The following MAST4 variants were observed in gnomAD, a reference collection of about 807,000 sequenced individuals.
MAST4 encodes the protein microtubule associated serine/threonine kinase family member 4.
In MAST4, 89 loss-of-function variants were observed where a neutral mutation model predicts 162.7. The ratio of observed to expected loss-of-function variants is 0.55; its 90% CI spans 0.46 to 0.65. The LOEUF (loss-of-function observed/expected upper bound fraction) is 0.65. Ranked by LOEUF, MAST4 falls within the 30% of genes least tolerant of loss-of-function variation. The probability of loss-of-function intolerance (pLI) is 0.00; values close to 1 mark genes in which losing one functional copy is unlikely to be tolerated. For missense variants in MAST4, 3,153 were observed against 3,374.0 expected (o/e 0.93, Z 1.62); for synonymous variants, 1,479 against 1,361.1 (o/e 1.09, Z -1.91).
intron 4 of MAST4, among the ~76,000 whole-genome samples, chr5:66,938,033 GTTATAT>G (rs1047165020): frequency 1.9e-4 from 29 of 152,000 alleles, no homozygotes; most frequent in Middle Eastern, 3.4e-3. Context: ...GCACTTAGCT[GTTATAT>G]TTATATTAAT....
At chr5:67,081,433 G>A (rs1425432090) in intron 5 of MAST4, among the ~76,000 whole-genome samples, 1 of 151,830 alleles carries the variant, frequency 6.6e-6, no homozygotes, top group Non-Finnish European at 1.5e-5. Flanking sequence ...AACAGGCATC[G>A]AACTAGTATG....
chr5:66,949,651 C>T (rs1368874331), intron 4 of MAST4, among the ~76,000 whole-genome samples: 1 of 152,144 alleles, frequency 6.6e-6, no homozygotes, highest in Non-Finnish European at 1.5e-5. Context: ...ATTTTGGTCA[C>T]AGATAGTCTG....
intron 4 of MAST4, among the ~76,000 whole-genome samples, chr5:66,998,151 C>T (rs566315953): frequency 2.0e-5 from 3 of 152,202 alleles, no homozygotes; most frequent in Non-Finnish European, 2.9e-5. Context: ...GTGTCAGCTA[C>T]GAAAGGGCTA....
intron 1 of MAST4, among the ~76,000 whole-genome samples, chr5:66,757,934 A>G (rs1052873555): frequency 2.0e-5 from 3 of 152,154 alleles, no homozygotes; most frequent in African/African-American, 7.2e-5. Context: ...TTGGTTCTGC[A>G]TTTTCTAGAG....
chr5:66,728,773 T>C (rs943678160), intron 1 of MAST4, among the ~76,000 whole-genome samples: 12 of 152,334 alleles, frequency 7.9e-5, no homozygotes, highest in African/African-American at 2.9e-4. Context: ...AGGAATGTTA[T>C]TTTCCTTTGG....
chr5:66,889,107 T>C (rs1762217889), intron 3 of MAST4, among the ~76,000 whole-genome samples: 7 of 152,176 alleles, frequency 4.6e-5, no homozygotes, highest in Admixed American at 4.6e-4. Context: ...CAATAAGCAA[T>C]AAAAGTCGAT....
intron 2 of MAST4, among the ~76,000 whole-genome samples, chr5:66,774,995 CTGTGTGTG>C (rs33936607): frequency 0.025 from 3,573 of 142,104 alleles, 54 homozygotes; most frequent in African/African-American, 0.047. Flanking sequence ...TATCCTTTTC[CTGTGTGTG>C]TGTGTGTGTG....
chr5:67,085,940 C>A (rs1268683281), intron 5 of MAST4, among the ~76,000 whole-genome samples: 1 of 152,120 alleles, frequency 6.6e-6, no homozygotes, highest in Non-Finnish European at 1.5e-5. Context: ...TGTTCCAGTG[C>A]CCACTTTATC....
In MAST4 at chr5:67,110,083, A is replaced by G; in HGVS notation, c.1357-15A>G. On this transcript the variant is annotated splice_polypyrimidine_tract_variant and intron_variant, in intron 10 of 28. Transcript: ENST00000403625. Reference sequence around the variant, plus strand: ...ACAACTCTGCATCATCACTCTCTTTATTGCTTTTTCATAGGCTCATGATCG... The same window carrying G: ...ACAACTCTGCATCATCACTCTCTTTGTTGCTTTTTCATAGGCTCATGATCG... 1 of 1,591,410 alleles carries G rather than the reference A, an allele frequency of 6.3e-7. No individual in the cohort carries two copies. Among genetic ancestry groups the G allele is most frequent in the Non-Finnish European group, 8.6e-7 (1 of 1,159,574 alleles).
chr5:67,007,082 ATG>A lies in MAST4; in HGVS notation c.675-47320_675-47319del, dbSNP rs1247989824. On this transcript the variant is annotated intron_variant, in intron 4 of 28. Coordinates refer to ENST00000403625, the MANE Select transcript of MAST4 (RefSeq NM_001164664.2). ...GGGCTAGCATTGCTTTATATTTATT[ATG>A]TAGATTCAGAAGGCTAGGTATCCTC... Among the ~76,000 whole-genome samples, 9 of 152,238 alleles carry A rather than the reference ATG, an allele frequency of 5.9e-5. No individual in the cohort carries two copies. The East Asian group carries it at 1.7e-3, about 29-fold the overall frequency.
At chr5:66,722,457 T>G (rs1260777069) in intron 1 of MAST4, among the ~76,000 whole-genome samples, 5 of 151,536 alleles carry the variant, frequency 3.3e-5, no homozygotes, top group South Asian at 2.1e-4. Context: ...TTCTGGGTTT[T>G]TTTTTTTTTA....
chr5:66,688,559 T>C (rs956832278), intron 1 of MAST4, among the ~76,000 whole-genome samples: 1 of 152,194 alleles, frequency 6.6e-6, no homozygotes, highest in Admixed American at 6.5e-5. Context: ...TGTCTCTTTA[T>C]ACCTCTTATT....
intron 1 of MAST4, among the ~76,000 whole-genome samples, chr5:66,704,492 C>CTTTTTTTTTTTTT (rs1172510331): frequency 3.1e-5 from 3 of 97,350 alleles, no homozygotes; most frequent in African/African-American, 1.3e-4. Flanking sequence ...GCTTGTTGTT[C>CTTTTTTTTTTTTT]TTTTTTTTTT....
chr5:66,622,236 C>T (rs536808938), intron 1 of MAST4, among the ~76,000 whole-genome samples: 1 of 152,178 alleles, frequency 6.6e-6, no homozygotes, highest in African/African-American at 2.4e-5. Flanking sequence ...ATGTGTCTAT[C>T]TGGAGAGAAG....
At chr5:66,756,967 G>A (rs1157707252) in intron 1 of MAST4, among the ~76,000 whole-genome samples, 2 of 152,174 alleles carry the variant, frequency 1.3e-5, no homozygotes, top group African/African-American at 2.4e-5. Flanking sequence ...ACCTTGGCTT[G>A]TGGACTAACA....
Position 67,102,571 on chromosome 5 carries a change from T to C in MAST4, c.1106T>C (p.Ile369Thr). The stretch of plus-strand genomic sequence containing the variant: ...TCTCCCGCCTGCTGTGACCATGAAA[T>C]AATTATGATGAACCATGTCTACAAA... ...GRSPACCDHE[I>T]IMMNHVYKER... Residue 369 changes from isoleucine (I) to threonine (T), a missense_variant, in exon 9 of 29, where the codon ATA becomes ACA. By Grantham distance (89) the Ile-to-Thr change is moderately conservative (BLOSUM62 -1). Around this residue, in one of 7 missense-constraint regions of MAST4, gnomAD observed 360 missense variants for 450.0 expected, o/e 0.80. Transcript: ENST00000403625. The C allele has an allele frequency of 6.2e-7, 1 of 1,613,994 alleles. No homozygotes were observed. The highest frequency in any genetic ancestry group is 8.5e-7 in the Non-Finnish European group (1 of 1,179,860).
intron 8 of MAST4, 33 bp from the exon 9 acceptor site, chr5:67,102,503 C>T: frequency 6.3e-7 from 1 of 1,594,518 alleles, no homozygotes; most frequent in Non-Finnish European, 8.6e-7. Flanking sequence ...CATGCTGTGG[C>T]AAGTTTAAAA....
chr5:66,633,361 C>G (rs2149424285), intron 1 of MAST4, among the ~76,000 whole-genome samples: 1 of 152,282 alleles, frequency 6.6e-6, no homozygotes, highest in East Asian at 1.9e-4. Flanking sequence ...ACTTGACTGG[C>G]ACCCGAAAGA....
At position 66,986,532 on chromosome 5, in the gene MAST4, C is replaced by T; in HGVS notation, c.675-67872C>T. On this transcript the variant is annotated intron_variant, in intron 4 of 28. Transcript: ENST00000403625. ...AACATATCCAAAGCTCATATTGTTT[C>T]CTTTCCAGTACTTTCTCTCTGTCTT... 4.0e-6 allele frequency: 6 copies of T among 1,493,646 alleles called. No individual in the cohort carries two copies. The South Asian group carries it at 6.6e-5, about 16-fold the overall frequency. 92.5% of individuals were successfully genotyped at this position (1,493,646 alleles called of 1,614,324 possible).
Sources: allele counts gnomAD v4.1 joint callset (sites outside exome capture counted in the v4.1 genomes callset), GRCh38; gene constraint gnomAD v4.1.1; regional missense constraint gnomAD v4.1.1; transcripts MANE v1.5; gene names NCBI Gene and HGNC (gene_info 2026-07-23, HGNC 2026-07-21).